The following SGCZ variants were observed in gnomAD, a reference collection of about 807,000 sequenced individuals.
The protein encoded by SGCZ is zeta-sarcoglycan.
SGCZ carries 40 observed loss-of-function variants against 41.3 expected under a neutral mutation model. That is an observed-to-expected ratio of 0.97 (90% CI 0.75 to 1.26). The LOEUF (loss-of-function observed/expected upper bound fraction) is 1.26. SGCZ is among the 50% of genes most tolerant of loss of function. SGCZ has a pLI of 0.00. For synonymous variants in SGCZ, 206 were observed against 137.5 expected (o/e 1.50, Z -3.49); for missense variants, 552 against 369.8 (o/e 1.49, Z -4.04).
rs142426622 is a variant in SGCZ at position 14,119,951 on chromosome 8, A to G, written c.548-11716T>C. On this transcript the variant is annotated intron_variant, in intron 5 of 7. Coordinates refer to ENST00000382080, the MANE Select transcript of SGCZ (RefSeq NM_139167.4). The stretch of plus-strand genomic sequence containing the variant: ...TGGATAAACTTTTTGATGTGCTGCT[A>G]GATTCAGTTTGGTAGTATTTTTTTG... Among the ~76,000 whole-genome samples, 874 of 152,172 alleles carry G rather than the reference A, an allele frequency of 5.7e-3. 8 individuals are homozygous for G. Among genetic ancestry groups the G allele is most frequent in the African/African-American group, 0.019 (794 of 41,534 alleles).
At chr8:15,129,130 C>A (rs555845652) in intron 1 of SGCZ, among the ~76,000 whole-genome samples, 4 of 152,266 alleles carry the variant, frequency 2.6e-5, no homozygotes, top group Non-Finnish European at 5.9e-5. Context: ...TTCTTTCAGT[C>A]CAAATTTCCT....
At chr8:14,114,608 A>G (rs778673950) in intron 5 of SGCZ, among the ~76,000 whole-genome samples, 2 of 151,986 alleles carry the variant, frequency 1.3e-5, no homozygotes, top group Non-Finnish European at 2.9e-5. Context: ...CATCCACTTA[A>G]ACAGTGTCAG....
At chr8:14,815,797 G>C (rs1369931586) in intron 1 of SGCZ, among the ~76,000 whole-genome samples, 2 of 152,086 alleles carry the variant, frequency 1.3e-5, no homozygotes, top group Non-Finnish European at 2.9e-5. Flanking sequence ...TGTTATCTGT[G>C]GTATTATGGA....
In SGCZ at chr8:14,702,766, TAGATAGATAGATAGAC is replaced by T. The variant is rs1230492090; in HGVS notation, c.40-147856_40-147841del. ...ATAGATAGATAGATAGATAGATAGA[TAGATAGATAGATAGAC>T]AGACAGACAGGCAGACAGGTAGGTA... On this transcript the variant is annotated intron_variant, in intron 1 of 7. Transcript: ENST00000382080. Among the ~76,000 whole-genome samples, 372 of 134,012 alleles carry T rather than the reference TAGATAGATAGATAGAC, an allele frequency of 2.8e-3. 2 individuals carry two copies. Among genetic ancestry groups the T allele is most frequent in the Middle Eastern group, 3.9e-3 (1 of 256 alleles). The allele number at this position is 134,012 out of a possible 152,430, so 87.9% of individuals were successfully genotyped here.
intron 1 of SGCZ, among the ~76,000 whole-genome samples, chr8:15,183,371 T>C (rs1800234409): frequency 6.6e-6 from 1 of 152,224 alleles, no homozygotes; most frequent in Non-Finnish European, 1.5e-5. Flanking sequence ...TTCATTTTGA[T>C]GGCAAGGACA....
chr8:14,898,681 G>A (rs962132564), intron 1 of SGCZ, among the ~76,000 whole-genome samples: 1 of 152,140 alleles, frequency 6.6e-6, no homozygotes, highest in Non-Finnish European at 1.5e-5. Context: ...GAGATGAGAA[G>A]AGTCAAGTTT....
At chr8:14,098,324 G>A (rs971563899) in intron 7 of SGCZ, among the ~76,000 whole-genome samples, 9 of 152,170 alleles carry the variant, frequency 5.9e-5, no homozygotes, top group Admixed American at 6.5e-5. Flanking sequence ...TTTTTCTGAT[G>A]TGAAAGCAAG....
chr8:14,421,158 A>G (rs1000129272), intron 2 of SGCZ, among the ~76,000 whole-genome samples: 1 of 152,138 alleles, frequency 6.6e-6, no homozygotes, highest in African/African-American at 2.4e-5. Flanking sequence ...ATGCCTTCGT[A>G]TGACCAGTCT....
chr8:14,153,978 G>T, intron 5 of SGCZ, among the ~76,000 whole-genome samples: 1 of 151,432 alleles, frequency 6.6e-6, no homozygotes, highest in Middle Eastern at 3.4e-3. Context: ...TGAAGACACA[G>T]CAACAAGGCA....
intron 1 of SGCZ, among the ~76,000 whole-genome samples, chr8:15,117,474 T>C (rs1330705880): frequency 6.6e-6 from 1 of 152,180 alleles, no homozygotes; most frequent in African/African-American, 2.4e-5. Context: ...CATTGTGGCA[T>C]GATGGGGAAG....
intron 1 of SGCZ, among the ~76,000 whole-genome samples, chr8:14,819,131 TAA>T (rs57311975): frequency 6.9e-6 from 1 of 144,332 alleles, no homozygotes. Context: ...GACAGAATTC[TAA>T]AAAAAAAAAA....
rs141492208 is a variant in SGCZ at position 14,852,439 on chromosome 8, A to G, written c.40-297513T>C. Among the ~76,000 whole-genome samples, 37 of 152,342 alleles carry G rather than the reference A, an allele frequency of 2.4e-4. No individual in the cohort carries two copies. In the East Asian group the frequency reaches 6.2e-3, roughly 25 times the overall value. On this transcript the variant is annotated intron_variant, in intron 1 of 7. Coordinates refer to ENST00000382080, the MANE Select transcript of SGCZ (RefSeq NM_139167.4). ...TAAGGAAATAGTAAACTGTAACTCA[A>G]GAAAGGAAGCTGTACTTATTATATG...
intron 2 of SGCZ, among the ~76,000 whole-genome samples, chr8:14,491,233 G>A (rs1008383944): frequency 7.2e-5 from 11 of 151,870 alleles, no homozygotes; most frequent in Admixed American, 5.9e-4. Flanking sequence ...GCGATACACC[G>A]AACAGACACA....
intron 2 of SGCZ, among the ~76,000 whole-genome samples, chr8:14,505,353 A>G (rs1802275621): frequency 6.6e-6 from 1 of 152,116 alleles, no homozygotes; most frequent in Non-Finnish European, 1.5e-5. Flanking sequence ...AGCGCCAGTT[A>G]CCAGGGCAGA....
intron 3 of SGCZ, among the ~76,000 whole-genome samples, chr8:14,261,102 T>TAA (rs67267456): frequency 0.011 from 1,700 of 150,874 alleles, 32 homozygotes; most frequent in African/African-American, 0.039. Context: ...TATAATAAAA[T>TAA]AAAAAAAAAG....
chr8:14,189,518 C>T (rs921141600), intron 4 of SGCZ, among the ~76,000 whole-genome samples: 15 of 152,198 alleles, frequency 9.9e-5, no homozygotes, highest in African/African-American at 3.6e-4. Context: ...GGCTTTTACA[C>T]TTTCTGATCC....
chr8:14,547,935 G>C (rs1803681667), intron 2 of SGCZ, among the ~76,000 whole-genome samples: 1 of 152,040 alleles, frequency 6.6e-6, no homozygotes, highest in Admixed American at 6.6e-5. Flanking sequence ...TATGTGTCTA[G>C]GATTGTTTTA....
At chr8:14,213,603 A>G (rs919079301) in intron 4 of SGCZ, among the ~76,000 whole-genome samples, 1 of 152,052 alleles carries the variant, frequency 6.6e-6, no homozygotes, top group Non-Finnish European at 1.5e-5. Context: ...TAAATTTCAT[A>G]AAGGAAAATA....
At chr8:14,955,671 C>T (rs558792537) in intron 1 of SGCZ, among the ~76,000 whole-genome samples, 235 of 152,288 alleles carry the variant, frequency 1.5e-3, no homozygotes, top group Middle Eastern at 3.4e-3. Flanking sequence ...ATTTAATTGA[C>T]ATGTAGATTT....
Sources: gnomAD v4.1 joint callset for allele counts (sites outside exome capture counted in the v4.1 genomes callset) on GRCh38, gnomAD v4.1.1 for gene constraint, MANE v1.5 for transcripts, NCBI Gene and HGNC (gene_info 2026-07-23, HGNC 2026-07-21) for gene names.